The following THSD7B variants were observed in gnomAD, a reference collection of about 807,000 sequenced individuals.
THSD7B encodes the protein thrombospondin type-1 domain-containing protein 7B.
Under a neutral mutation model 213.6 loss-of-function variants are expected in THSD7B, and 138 were observed. That is an observed-to-expected ratio of 0.65 (90% CI 0.56 to 0.74). The LOEUF (loss-of-function observed/expected upper bound fraction) is 0.74, where lower values mean the gene tolerates loss of function less well. Ranked by LOEUF, THSD7B falls within the 30% of genes least tolerant of loss-of-function variation. THSD7B has a pLI of 0.00. For missense variants in THSD7B, 1,931 were observed against 1,991.5 expected, an observed-to-expected ratio of 0.97 and a Z score of 0.58; for synonymous variants, 742 against 687.0, an observed-to-expected ratio of 1.08 and a Z score of -1.25.
chr2:137,117,740 A>T (rs1027753900), intron 5 of THSD7B, among the ~76,000 whole-genome samples: 1 of 152,150 alleles, frequency 6.6e-6, no homozygotes, highest in Non-Finnish European at 1.5e-5. Context: ...TTGGGGGGGA[A>T]AAACAGACTT....
chr2:136,791,804 TG>T (rs1681969766), intron 1 of THSD7B, among the ~76,000 whole-genome samples: 1 of 152,100 alleles, frequency 6.6e-6, no homozygotes. Context: ...AACATTTATA[TG>T]TTTCTGCTCT....
intron 2 of THSD7B, among the ~76,000 whole-genome samples, chr2:136,986,631 G>A (rs1190600597): frequency 6.6e-6 from 1 of 152,190 alleles, no homozygotes; most frequent in African/African-American, 2.4e-5. Flanking sequence ...GCTTCTAAAG[G>A]TAGAGATAGT....
intron 15 of THSD7B, among the ~76,000 whole-genome samples, chr2:137,537,468 G>C (rs1305708070): frequency 6.6e-6 from 1 of 151,602 alleles, no homozygotes; most frequent in Non-Finnish European, 1.5e-5. Flanking sequence ...CTGGCTTTCT[G>C]CTGAGTTTGT....
chr2:136,916,669 A>G (rs1446097438), intron 2 of THSD7B, among the ~76,000 whole-genome samples: 1 of 152,226 alleles, frequency 6.6e-6, no homozygotes, highest in African/African-American at 2.4e-5. Flanking sequence ...TATGACATTC[A>G]GCTTCCAGAT....
At position 136,991,064 on chromosome 2, in the gene THSD7B, C is replaced by A. The variant is rs548903409; in HGVS notation, c.140-65356C>A. 107 of 734,572 alleles carry A rather than the reference C, an allele frequency of 1.5e-4. 1 individual carries two copies. The South Asian group carries it at 1.6e-3, about 11-fold the overall frequency. The allele number at this position is 734,572 out of a possible 1,614,324, so 45.5% of individuals were successfully genotyped here. A position where few individuals can be genotyped will look rare whatever the true frequency, so the allele number is the denominator to read the frequency against. ...ATGGTTATGTGTTAAATAAAAAGGA[C>A]CTGGACAAATGAAGTTCAATAGAAA... On this transcript the variant is annotated intron_variant, in intron 2 of 27. Coordinates refer to ENST00000409968, the MANE Select transcript of THSD7B (RefSeq NM_001316349.2).
chr2:137,506,077 ACTC>A (rs1679827111), intron 15 of THSD7B, among the ~76,000 whole-genome samples: 1 of 152,052 alleles, frequency 6.6e-6, no homozygotes, highest in Non-Finnish European at 1.5e-5. Flanking sequence ...GGGGAAGGGG[ACTC>A]CTCCTGAGGA....
intron 2 of THSD7B, among the ~76,000 whole-genome samples, chr2:136,901,767 C>CT (rs893549978): frequency 1.3e-5 from 2 of 152,172 alleles, no homozygotes; most frequent in African/African-American, 4.8e-5. Flanking sequence ...AGCAAGGATA[C>CT]TTTTTAAAAA....
At chr2:137,417,117 A>G (rs1207678538) in intron 14 of THSD7B, among the ~76,000 whole-genome samples, 1 of 152,220 alleles carries the variant, frequency 6.6e-6, no homozygotes, top group African/African-American at 2.4e-5. Context: ...ATAAGTAGGT[A>G]TAGATAGAAC....
intron 17 of THSD7B, among the ~76,000 whole-genome samples, chr2:137,580,068 A>G (rs1017198141): frequency 6.6e-6 from 1 of 152,110 alleles, no homozygotes; most frequent in Non-Finnish European, 1.5e-5. Flanking sequence ...CTGTATAAAG[A>G]TATGTTTCTA....
At chr2:137,317,427 G>T (rs1292237702) in intron 12 of THSD7B, among the ~76,000 whole-genome samples, 1 of 152,152 alleles carries the variant, frequency 6.6e-6, no homozygotes, top group African/African-American at 2.4e-5. Context: ...ATGGTAACTG[G>T]ACTATCTATT....
At chr2:136,859,384 G>A (rs1683225681) in intron 1 of THSD7B, among the ~76,000 whole-genome samples, 2 of 152,152 alleles carry the variant, frequency 1.3e-5, no homozygotes, top group South Asian at 2.1e-4. Context: ...CACTTAACTA[G>A]AATTAAAAAT....
intron 2 of THSD7B, among the ~76,000 whole-genome samples, chr2:136,912,261 G>T (rs994589468): frequency 1.4e-5 from 2 of 139,528 alleles, no homozygotes; most frequent in African/African-American, 5.5e-5. Context: ...GGTGGAGGTT[G>T]CAGTGAGTTG....
intron 7 of THSD7B, among the ~76,000 whole-genome samples, chr2:137,203,443 T>A (rs1680918429): frequency 6.6e-6 from 1 of 152,142 alleles, no homozygotes; most frequent in South Asian, 2.1e-4. Flanking sequence ...AATATTTTAA[T>A]GATAAATACT....
intron 15 of THSD7B, among the ~76,000 whole-genome samples, chr2:137,494,067 T>G (rs1679501471): frequency 1.3e-5 from 2 of 152,226 alleles, no homozygotes; most frequent in Admixed American, 1.3e-4. Context: ...TGCCTCTTGA[T>G]TAACCAAAAT....
At chr2:137,155,283 C>T in intron 5 of THSD7B, among the ~76,000 whole-genome samples, 1 of 152,284 alleles carries the variant, frequency 6.6e-6, no homozygotes, top group Non-Finnish European at 1.5e-5. Flanking sequence ...CTTACCTAGT[C>T]TGGCAGTTGG....
chr2:137,312,421 T>C (rs151107041), intron 12 of THSD7B, among the ~76,000 whole-genome samples: 97,321 of 135,852 alleles, frequency 0.72, 35,453 homozygotes, highest in East Asian at 0.8. Context: ...GTCTTGCTAG[T>C]GGTCTATCAA....
At chr2:137,272,201 A>T (rs1408909686) in intron 10 of THSD7B, among the ~76,000 whole-genome samples, 1 of 152,144 alleles carries the variant, frequency 6.6e-6, no homozygotes, top group Non-Finnish European at 1.5e-5. Flanking sequence ...CAGAGATTTC[A>T]GCTGTTGTTT....
At position 137,069,320 on chromosome 2, in the gene THSD7B, C is replaced by G. The variant is rs145374825; in HGVS notation, c.950+12090C>G. 1.8e-3 allele frequency among the ~76,000 whole-genome samples: 276 copies of G among 152,010 alleles called. 1 individual carries two copies. Among genetic ancestry groups the G allele is most frequent in the African/African-American group, 6.5e-3 (269 of 41,492 alleles). On this transcript the variant is annotated intron_variant, in intron 3 of 27. Coordinates refer to ENST00000409968, the MANE Select transcript of THSD7B (RefSeq NM_001316349.2). The stretch of plus-strand genomic sequence containing the variant: ...TCAGTTTTAATTTTTGTTTTTGTTT[C>G]ACCTTGTTTCCTTTTTATTTTTTTG...
intron 5 of THSD7B, among the ~76,000 whole-genome samples, chr2:137,138,104 G>A (rs1045120344): frequency 3.3e-5 from 5 of 151,916 alleles, no homozygotes; most frequent in South Asian, 4.2e-4. Context: ...ATGTTGCCCC[G>A]GCTGGTCTCA....
Sources: gnomAD v4.1 joint callset for allele counts (sites outside exome capture counted in the v4.1 genomes callset) on GRCh38, gnomAD v4.1.1 for gene constraint, MANE v1.5 for transcripts, NCBI Gene and HGNC (gene_info 2026-07-23, HGNC 2026-07-21) for gene names.